ATP6V1B2: variants seen among roughly 807,000 people sequenced by gnomAD.
The protein encoded by ATP6V1B2 is V-type proton ATPase subunit B, brain isoform.
A neutral mutation model predicts 66.7 loss-of-function variants in ATP6V1B2; 23 were observed. The ratio of observed to expected loss-of-function variants is 0.34; its 90% CI spans 0.25 to 0.49. The LOEUF is 0.49. Among genes scored for constraint, ATP6V1B2 ranks in the 20% least tolerant of loss-of-function variants. The probability of loss-of-function intolerance (pLI) is 0.99; values close to 1 mark genes in which losing one functional copy is unlikely to be tolerated. For synonymous variants in ATP6V1B2, 278 were observed against 236.7 expected (o/e 1.17, Z -1.60); for missense variants, 478 against 650.8 (o/e 0.73, Z 2.89).
At chr8:20,204,087 A>G (rs1028599551) in intron 1 of ATP6V1B2, 2 of 446,006 alleles carry the variant, frequency 4.5e-6, no homozygotes, top group Non-Finnish European at 8.9e-6. Flanking sequence ...CCCTGAGGTG[A>G]GAACTATTCC....
Position 20,212,131 on chromosome 8 carries a change from A to G in ATP6V1B2, c.735A>G (p.Lys245=). The G allele has an allele frequency of 2.5e-6, 4 of 1,613,670 alleles. No homozygotes were observed. The highest frequency in any genetic ancestry group is 3.4e-6 in the Non-Finnish European group (4 of 1,179,774). Reference sequence around the variant, plus strand: ...ACATGGAAACTGCCCGGTTCTTCAAATCTGACTTTGAAGAAAATGGCTCAA... The same window carrying G: ...ACATGGAAACTGCCCGGTTCTTCAAGTCTGACTTTGAAGAAAATGGCTCAA... The part of the protein sequence containing the change: ...GVNMETARFF[K]SDFEENGSMD... The change falls in exon 8 of 14, where the codon AAA becomes AAG. Residue 245 remains lysine (K), a synonymous_variant. Coordinates refer to ENST00000276390, the MANE Select transcript of ATP6V1B2 (RefSeq NM_001693.4).
At chr8:20,210,055 C>G (rs2072777576) in intron 3 of ATP6V1B2, among the ~76,000 whole-genome samples, 1 of 147,092 alleles carries the variant, frequency 6.8e-6, no homozygotes, top group Non-Finnish European at 1.5e-5. Flanking sequence ...TGAAACAACC[C>G]TTTAAAAAAT....
At chr8:20,211,340 A>G (rs375907080) in intron 6 of ATP6V1B2, 24 bp downstream of exon 6, 4 of 1,600,384 alleles carry the variant, frequency 2.5e-6, no homozygotes, top group Non-Finnish European at 3.4e-6. Context: ...TCGGTTTGCT[A>G]TGAAGTTTAG....
At chr8:20,219,826 G>A (rs1200905597) in intron 13 of ATP6V1B2, among the ~76,000 whole-genome samples, 1 of 152,192 alleles carries the variant, frequency 6.6e-6, no homozygotes, top group Admixed American at 6.5e-5. Flanking sequence ...AGGGTTGCAT[G>A]TATTCAGGTG....
At chr8:20,216,630 T>C in intron 11 of ATP6V1B2, 135 bp downstream of exon 11, 1 of 732,694 alleles carries the variant, frequency 1.4e-6, no homozygotes, top group South Asian at 2.3e-5. Flanking sequence ...GGTTATAAAA[T>C]TGTCATTTCT....
At chr8:20,207,285 A>G (rs1444144809) in intron 2 of ATP6V1B2, among the ~76,000 whole-genome samples, 1 of 152,240 alleles carries the variant, frequency 6.6e-6, no homozygotes, top group Non-Finnish European at 1.5e-5. Flanking sequence ...AACTCTTCAC[A>G]CATGAGAATT....
intron 2 of ATP6V1B2, among the ~76,000 whole-genome samples, chr8:20,207,950 A>G (rs191480002): frequency 6.6e-5 from 10 of 152,368 alleles, no homozygotes; most frequent in East Asian, 1.9e-4. Flanking sequence ...ATAATTGACA[A>G]TGATAAGCAT....
In ATP6V1B2 at chr8:20,217,686, C is replaced by G. The variant is rs150162271; in HGVS notation, c.1266+362C>G. ...AACATATTAAGCCGTCACCAGAACACTAAAGTATACAGTTTTATGTAGGCT... is the reference window on the plus strand; with the variant it reads ...AACATATTAAGCCGTCACCAGAACAGTAAAGTATACAGTTTTATGTAGGCT... On this transcript the variant is annotated intron_variant, in intron 12 of 13. Coordinates refer to ENST00000276390, the MANE Select transcript of ATP6V1B2 (RefSeq NM_001693.4). Among the ~76,000 whole-genome samples the G allele has an allele frequency of 5.3e-3, 803 of 152,288 alleles. 7 individuals are homozygous for G. Among genetic ancestry groups the G allele is most frequent in the Non-Finnish European group, 9.4e-3 (638 of 68,018 alleles).
chr8:20,214,852 G>A lies in ATP6V1B2; in HGVS notation c.962G>A (p.Arg321Gln). Residue 321 changes from arginine (R) to glutamine (Q), a missense_variant, in exon 10 of 14, where the codon CGA (arginine) becomes CAA (glutamine). Physicochemically the swap from Arg to Gln is conservative, Grantham distance 43. Transcript: ENST00000276390. Reference protein sequence around the residue: ...SAAREEVPGRRGFPGYMYTDL... With the variant: ...SAAREEVPGRQGFPGYMYTDL... Reference sequence around the variant, plus strand: ...GCCAGGGAAGAGGTACCTGGTCGACGAGGTTTTCCAGGTTACATGTATACA... The same window carrying A: ...GCCAGGGAAGAGGTACCTGGTCGACAAGGTTTTCCAGGTTACATGTATACA... 6.2e-7 allele frequency: 1 copy of A among 1,612,716 alleles called. No individual in the cohort carries two copies. The highest frequency in any genetic ancestry group is 8.5e-7 in the Non-Finnish European group (1 of 1,179,290).
chr8:20,220,278 G>T lies in ATP6V1B2; in HGVS notation c.1412G>T (p.Arg471Leu). 4 of 1,595,398 alleles carry T rather than the reference G, an allele frequency of 2.5e-6. No individual in the cohort carries two copies. Among genetic ancestry groups the T allele is most frequent in the Non-Finnish European group, 3.4e-6 (4 of 1,174,800 alleles). The change falls in exon 14 of 14, where the codon CGC becomes CTC. Residue 471 changes from arginine (R) to leucine (L), a missense_variant. Physicochemically the swap from Arg to Leu is moderately radical, Grantham distance 102 (BLOSUM62 -2). Coordinates refer to ENST00000276390, the MANE Select transcript of ATP6V1B2 (RefSeq NM_001693.4). The part of the protein sequence containing the change: ...NFIAQGPYEN[R>L]TVFETLDIGW... ...ATTTTTTAAGGTCCTTACGAAAATCGCACTGTCTTTGAGACTTTGGACATT... is the reference window on the plus strand; with the variant it reads ...ATTTTTTAAGGTCCTTACGAAAATCTCACTGTCTTTGAGACTTTGGACATT...
intron 1 of ATP6V1B2, among the ~76,000 whole-genome samples, chr8:20,204,256 A>G (rs2072715929): frequency 1.3e-5 from 2 of 152,152 alleles, no homozygotes; most frequent in Non-Finnish European, 2.9e-5. Context: ...GCTTACAACA[A>G]TGACTTACTA....
rs1212015861 is a variant in ATP6V1B2, at chr8:20,208,498, G to A, written c.193-935G>A. Among the ~76,000 whole-genome samples, 3 of 152,106 alleles carry A rather than the reference G, an allele frequency of 2.0e-5. No homozygotes were observed. In the East Asian group the frequency reaches 5.8e-4, roughly 29 times the overall value. On this transcript the variant is annotated intron_variant, in intron 2 of 13. Coordinates refer to ENST00000276390, the MANE Select transcript of ATP6V1B2 (RefSeq NM_001693.4). Reference sequence around the variant, plus strand: ...TAAAATAAGTATTAACATGCCAAATGTCATGTTAATATCAGGTCAAGTGAA... The same window carrying A: ...TAAAATAAGTATTAACATGCCAAATATCATGTTAATATCAGGTCAAGTGAA...
intron 13 of ATP6V1B2, 109 bp downstream of exon 13, chr8:20,218,391 GT>G: frequency 7.2e-7 from 1 of 1,395,000 alleles, no homozygotes; most frequent in Non-Finnish European, 9.6e-7. Flanking sequence ...TATTTCTCTG[GT>G]TAGAGAAGAG....
chr8:20,197,716 T>A (rs2072643199), intron 1 of ATP6V1B2, among the ~76,000 whole-genome samples, 174 bp downstream of exon 1: 1 of 152,158 alleles, frequency 6.6e-6, no homozygotes, highest in African/African-American at 2.4e-5. Flanking sequence ...TACCTAATAT[T>A]TCCAGGAGAT....
intron 1 of ATP6V1B2, among the ~76,000 whole-genome samples, chr8:20,198,610 A>G (rs1198415970): frequency 6.6e-6 from 1 of 152,122 alleles, no homozygotes; most frequent in Non-Finnish European, 1.5e-5. Context: ...AGGTGGTGAG[A>G]CTGCATTTTC....
Position 20,220,358 on chromosome 8 carries a change from A to C in ATP6V1B2, c.1492A>C (p.Ser498Arg). The change falls in exon 14 of 14, where the codon AGC becomes CGC. Residue 498 changes from serine (S) to arginine (R), a missense_variant. Ser to Arg is a moderately radical substitution (Grantham distance 110, BLOSUM62 -1). Transcript: ENST00000276390. ...AGAAATGCTGAAGAGAATCCCTCAG[A>C]GCACCCTCAGCGAATTTTACCCTCG... ...PKEMLKRIPQSTLSEFYPRDS... is the reference protein window; with the variant it reads ...PKEMLKRIPQRTLSEFYPRDS... 3.8e-6 allele frequency: 6 copies of C among 1,592,956 alleles called. No individual in the cohort carries two copies. Among genetic ancestry groups the C allele is most frequent in the Non-Finnish European group, 5.1e-6 (6 of 1,172,560 alleles).
At position 20,210,588 on chromosome 8, in the gene ATP6V1B2, G is replaced by A. The variant is rs200445595; in HGVS notation, c.405G>A (p.Ser135=). 25 of 1,613,660 alleles carry A rather than the reference G, an allele frequency of 1.5e-5. No individual in the cohort carries two copies. The African/African-American group carries it at 2.7e-4, about 17-fold the overall frequency. ...EDMLGRVFNG[S]GKPIDRGPVV... is the part of the protein sequence containing the mutation. Reference sequence around the variant, plus strand: ...TTCTAGGTCGGGTATTCAATGGATCGGGAAAACCCATTGACAGAGGTCCTG... The same window carrying A: ...TTCTAGGTCGGGTATTCAATGGATCAGGAAAACCCATTGACAGAGGTCCTG... Residue 135 remains serine, a synonymous_variant, in exon 5 of 14, where the codon TCG becomes TCA. Coordinates refer to ENST00000276390, the MANE Select transcript of ATP6V1B2 (RefSeq NM_001693.4).
In ATP6V1B2 at chr8:20,210,750, A is replaced by T. The variant is rs11990886; in HGVS notation, c.463+104A>T. ...TTTTTTGTGATATCACTTAAAGTAG[A>T]TAGGCAACACGCTCCATAGGTTATA... On this transcript the variant is annotated intron_variant, in intron 5 of 13. Coordinates refer to ENST00000276390, the MANE Select transcript of ATP6V1B2 (RefSeq NM_001693.4). 3.4e-3 allele frequency: 2,756 copies of T among 814,846 alleles called. 66 individuals carry two copies. In the African/African-American group the frequency reaches 0.042, roughly 13 times the overall value. 50.5% of individuals were successfully genotyped at this position (814,846 alleles called of 1,614,324 possible).
intron 2 of ATP6V1B2, 68 bp from the exon 3 acceptor site, chr8:20,209,365 G>A (rs2072770540): frequency 1.4e-6 from 2 of 1,447,370 alleles, no homozygotes; most frequent in Non-Finnish European, 1.9e-6. Context: ...GGGAGAGACA[G>A]AGCATGTGTA....
Sources: allele counts gnomAD v4.1 joint callset (sites outside exome capture counted in the v4.1 genomes callset), GRCh38; gene constraint gnomAD v4.1.1; transcripts MANE v1.5; gene names NCBI Gene and HGNC (gene_info 2026-07-23, HGNC 2026-07-21).